PEX14: variants seen among roughly 807,000 people sequenced by gnomAD.
PEX14 encodes peroxisomal membrane protein PEX14.
PEX14 carries 15 observed loss-of-function variants against 49.5 expected under a neutral mutation model. The ratio of observed to expected loss-of-function variants is 0.30; its 90% CI spans 0.20 to 0.47. PEX14 has a LOEUF of 0.47. Ranked by LOEUF, PEX14 falls within the 20% of genes least tolerant of loss-of-function variation. The pLI is 1.00. For synonymous variants in PEX14, 210 were observed against 212.7 expected (o/e 0.99, Z 0.11); for missense variants, 398 against 494.8 (o/e 0.80, Z 1.86).
chr1:10,487,492 T>TC (rs1641391757), intron 1 of PEX14, among the ~76,000 whole-genome samples: 1 of 139,076 alleles, frequency 7.2e-6, no homozygotes, highest in Non-Finnish European at 1.6e-5. Flanking sequence ...TTTTTTTTTT[T>TC]TTTTTTTTTT....
chr1:10,510,255 C>G (rs1227783107), intron 2 of PEX14, among the ~76,000 whole-genome samples: 1 of 152,234 alleles, frequency 6.6e-6, no homozygotes, highest in Non-Finnish European at 1.5e-5. Flanking sequence ...CTTGGCATGT[C>G]TACAAAGTAT....
At chr1:10,480,056 G>C (rs914819230) in intron 1 of PEX14, among the ~76,000 whole-genome samples, 1 of 152,056 alleles carries the variant, frequency 6.6e-6, no homozygotes, top group Non-Finnish European at 1.5e-5. Context: ...TTTTAGTGTT[G>C]ACTGAAATCA....
chr1:10,590,057 G>T (rs1184460334), intron 3 of PEX14, among the ~76,000 whole-genome samples: 1 of 152,210 alleles, frequency 6.6e-6, no homozygotes, highest in Non-Finnish European at 1.5e-5. Flanking sequence ...TGGGCCTGGG[G>T]TCCGAGCCTG....
intron 2 of PEX14, among the ~76,000 whole-genome samples, chr1:10,502,170 C>G (rs1355065921): frequency 6.6e-6 from 1 of 152,158 alleles, no homozygotes; most frequent in Admixed American, 6.5e-5. Context: ...CCTCTTTCCT[C>G]ACTCCTCTCT....
chr1:10,571,217 T>C (rs1208859234), intron 3 of PEX14, among the ~76,000 whole-genome samples: 1 of 152,070 alleles, frequency 6.6e-6, no homozygotes, highest in Non-Finnish European at 1.5e-5. Context: ...AATCTAATTT[T>C]CAGCTAAGAT....
At chr1:10,503,982 C>T (rs758443719) in intron 2 of PEX14, among the ~76,000 whole-genome samples, 8 of 152,278 alleles carry the variant, frequency 5.3e-5, no homozygotes, top group Non-Finnish European at 8.8e-5. Context: ...GATCCACCCG[C>T]CTCGGCCTCC....
chr1:10,628,136 A>C lies in PEX14; in HGVS notation c.677+773A>C, dbSNP rs368000715. ...TTTTTAGTAGAGGTGGGATTTTGCT[A>C]TGTTGGCCAGGCTGGTCTTGAATTC... On this transcript the variant is annotated intron_variant, in intron 8 of 8. Coordinates refer to ENST00000356607, the MANE Select transcript of PEX14 (RefSeq NM_004565.3). This position sits in a 1 kb window ranked among gnomAD's most constrained non-coding sequence, Gnocchi z 4.5. Among the ~76,000 whole-genome samples, 1 of 152,240 alleles carries C rather than the reference A, an allele frequency of 6.6e-6. No homozygotes were observed. Among genetic ancestry groups the C allele is most frequent in the South Asian group, 2.1e-4 (1 of 4,826 alleles).
intron 3 of PEX14, among the ~76,000 whole-genome samples, chr1:10,587,912 T>C (rs1475498529): frequency 7.4e-6 from 1 of 135,896 alleles, no homozygotes; most frequent in Non-Finnish European, 1.6e-5. Context: ...TTTTTTTTTT[T>C]TTTTTTTTAA....
Position 10,623,117 on chromosome 1 carries a change from G to A in PEX14, c.483G>A (p.Gln161=). ...CTGAGCTGAGTGGCAGCGTGGCCCAGACAGGTAAAGATTAATGACTCCATC... is the reference window on the plus strand; with the variant it reads ...CTGAGCTGAGTGGCAGCGTGGCCCAAACAGGTAAAGATTAATGACTCCATC... ...GLSELSGSVA[Q]TVTQLQTTLA... Residue 161 remains glutamine (Q), a synonymous_variant, in exon 6 of 9, where the codon CAG becomes CAA. Transcript: ENST00000356607. This position sits in a 1 kb window ranked among gnomAD's most constrained non-coding sequence, Gnocchi z 4.4. 1 of 1,610,006 alleles carries A rather than the reference G, an allele frequency of 6.2e-7. No individual in the cohort carries two copies. The highest frequency in any genetic ancestry group is 8.5e-7 in the Non-Finnish European group (1 of 1,176,848).
chr1:10,535,256 G>A (rs1350381414), intron 2 of PEX14, among the ~76,000 whole-genome samples: 2 of 152,236 alleles, frequency 1.3e-5, no homozygotes, highest in Non-Finnish European at 2.9e-5. Flanking sequence ...GACAAGCCAG[G>A]CGTAAACACA....
intron 1 of PEX14, among the ~76,000 whole-genome samples, chr1:10,475,538 A>G (rs56053147): frequency 1.1e-3 from 168 of 152,300 alleles, no homozygotes; most frequent in Non-Finnish European, 2.1e-3. Flanking sequence ...CGTTGATAGG[A>G]AAGGGACGCA....
chr1:10,569,738 G>A (rs779595180), intron 3 of PEX14, among the ~76,000 whole-genome samples: 80 of 152,116 alleles, frequency 5.3e-4, no homozygotes, highest in Admixed American at 1.4e-3. Context: ...TTCTAGGTTG[G>A]AAATGATTTT....
chr1:10,520,876 A>G (rs1472206347), intron 2 of PEX14, among the ~76,000 whole-genome samples: 1 of 152,164 alleles, frequency 6.6e-6, no homozygotes, highest in Non-Finnish European at 1.5e-5. Flanking sequence ...CTGTAGACGC[A>G]CTATGGACTT....
Position 10,629,988 on chromosome 1 carries a change from G to A in PEX14, c.*1G>A. 1 of 1,608,256 alleles carries A rather than the reference G, an allele frequency of 6.2e-7. No homozygotes were observed. Among genetic ancestry groups the A allele is most frequent in the Non-Finnish European group, 8.5e-7 (1 of 1,179,388 alleles). On this transcript the variant is annotated 3_prime_UTR_variant, in exon 9 of 9. Coordinates refer to ENST00000356607, the MANE Select transcript of PEX14 (RefSeq NM_004565.3). This position sits in a 1 kb window ranked among gnomAD's most constrained non-coding sequence, Gnocchi z 8.5. ...CAGCAACGAGAGTGAGCGGGACTAG[G>A]GCTGCGCCTGCTGCCTCCAGCCCTG...
At chr1:10,599,147 G>T in intron 3 of PEX14, 91 bp from the exon 4 acceptor site, 1 of 1,319,320 alleles carries the variant, frequency 7.6e-7, no homozygotes, top group Non-Finnish European at 1.1e-6. Flanking sequence ...GCATTCTGTG[G>T]CTGTAAAGGT....
intron 4 of PEX14, among the ~76,000 whole-genome samples, chr1:10,611,015 G>T (rs1486091784): frequency 1.3e-5 from 2 of 152,078 alleles, no homozygotes; most frequent in Non-Finnish European, 2.9e-5. Flanking sequence ...TGGGATGTGA[G>T]TTGGGTGGAT....
intron 2 of PEX14, chr1:10,528,282 A>G (rs1638550226): frequency 1.0e-6 from 1 of 981,166 alleles, no homozygotes; most frequent in Non-Finnish European, 1.2e-6. Flanking sequence ...AGCTTCACCA[A>G]TCTCCATCTG....
At chr1:10,487,078 CCTTT>C (rs546268302) in intron 1 of PEX14, among the ~76,000 whole-genome samples, 94 of 151,874 alleles carry the variant, frequency 6.2e-4, no homozygotes, top group African/African-American at 1.8e-3. Context: ...TTGTTTGCTT[CCTTT>C]CTTTTATTAA....
chr1:10,490,530 C>A (rs1641453085), intron 1 of PEX14, among the ~76,000 whole-genome samples: 1 of 152,144 alleles, frequency 6.6e-6, no homozygotes, highest in Non-Finnish European at 1.5e-5. Flanking sequence ...AAGCATTTCT[C>A]TCTCTGCCGC....
Sources: gnomAD v4.1 joint callset for allele counts (sites outside exome capture counted in the v4.1 genomes callset) on GRCh38, gnomAD v4.1.1 for gene constraint, Gnocchi (gnomAD v3.1) non-coding constraint, MANE v1.5 for transcripts, NCBI Gene and HGNC (gene_info 2026-07-23, HGNC 2026-07-21) for gene names.